COL23A1: variants seen among roughly 807,000 people sequenced by gnomAD.
COL23A1 encodes collagen type XXIII alpha 1 chain.
Under a neutral mutation model 99.3 loss-of-function variants are expected in COL23A1, and 97 were observed. The observed-to-expected ratio is 0.98, with a 90% confidence interval of 0.83 to 1.16. COL23A1 has a LOEUF of 1.16. Among genes scored for constraint, COL23A1 ranks in the 50% most tolerant of loss-of-function variants. The probability of loss-of-function intolerance (pLI) is 0.00; values close to 1 mark genes in which losing one functional copy is unlikely to be tolerated. For missense variants in COL23A1, 762 were observed against 757.4 expected (o/e 1.01, Z -0.07); for synonymous variants, 320 against 308.2 (o/e 1.04, Z -0.40).
At chr5:178,546,227 A>G (rs765116591) in intron 2 of COL23A1, among the ~76,000 whole-genome samples, 1 of 152,096 alleles carries the variant, frequency 6.6e-6, no homozygotes, top group African/African-American at 2.4e-5. Flanking sequence ...TATGTGTAAG[A>G]GGCCTCCTGT....
chr5:178,450,258 G>A (rs535144894), intron 2 of COL23A1, among the ~76,000 whole-genome samples: 36,555 of 151,922 alleles, frequency 0.24, 5,160 homozygotes, highest in Middle Eastern at 0.34. Context: ...CGCAAGGATC[G>A]TTTTCCCCTT....
chr5:178,449,544 C>T (rs13169031), intron 2 of COL23A1, among the ~76,000 whole-genome samples: 67,156 of 151,602 alleles, frequency 0.44, 17,182 homozygotes, highest in Non-Finnish European at 0.58. Flanking sequence ...AGCATTCCCC[C>T]CACCCCCCTA....
At chr5:178,359,710 A>G (rs554316387) in intron 2 of COL23A1, among the ~76,000 whole-genome samples, 11 of 152,376 alleles carry the variant, frequency 7.2e-5, no homozygotes, top group Admixed American at 3.3e-4. Context: ...TTCACTTAGT[A>G]AAGTCGCAGA....
intron 2 of COL23A1, among the ~76,000 whole-genome samples, chr5:178,343,828 A>G (rs1760810204): frequency 6.6e-6 from 1 of 151,876 alleles, no homozygotes; most frequent in Non-Finnish European, 1.5e-5. Flanking sequence ...ACGGCCCACT[A>G]ATTTTTATAT....
At chr5:178,413,242 G>C (rs1765139815) in intron 2 of COL23A1, among the ~76,000 whole-genome samples, 1 of 152,166 alleles carries the variant, frequency 6.6e-6, no homozygotes, top group Non-Finnish European at 1.5e-5. Context: ...TAGAACCATG[G>C]AGAAATTTGA....
intron 2 of COL23A1, among the ~76,000 whole-genome samples, chr5:178,441,589 T>G: frequency 6.6e-6 from 1 of 151,080 alleles, no homozygotes; most frequent in Non-Finnish European, 1.5e-5. Context: ...GGGGCTAGAG[T>G]TTCAAAGGGC....
chr5:178,467,898 T>C (rs932747315), intron 2 of COL23A1, among the ~76,000 whole-genome samples: 1 of 152,144 alleles, frequency 6.6e-6, no homozygotes, highest in African/African-American at 2.4e-5. Context: ...CTGCCTTCCA[T>C]GCTAGTGACA....
rs56007209 is a variant in COL23A1 at position 178,306,327 on chromosome 5, G to A, written c.406+548C>T. Among the ~76,000 whole-genome samples, 83,151 of 150,752 alleles carry A rather than the reference G, an allele frequency of 0.55. 23,843 individuals are homozygous for A. The highest frequency in any genetic ancestry group is 0.64 in the Non-Finnish European group (43,395 of 67,608). On this transcript the variant is annotated intron_variant, in intron 3 of 28. Coordinates refer to ENST00000390654, the MANE Select transcript of COL23A1 (RefSeq NM_173465.4). The surrounding 1 kb of genome is among the most constrained non-coding windows in gnomAD (Gnocchi z 4.1). ...TCAGAGGGGCTTAGGGAAGTCCCTG[G>A]GCGAAGGGGGCAATCTGCTGGGGAC...
rs71577021 is a variant in COL23A1, at chr5:178,517,873, CTTTTTTTTTTTTTT to C, written c.361+42795_361+42808del. 2.5e-4 allele frequency among the ~76,000 whole-genome samples: 24 copies of C among 97,710 alleles called. No homozygotes were observed. In the East Asian group the frequency reaches 3.7e-3, roughly 15 times the overall value. 64.1% of individuals were successfully genotyped at this position (97,710 alleles called of 152,430 possible). A position where few individuals can be genotyped will look rare whatever the true frequency, so the allele number is the denominator to read the frequency against. The stretch of plus-strand genomic sequence containing the variant: ...CCGTGCCTGGCCAGCAACAGCGGTT[CTTTTTTTTTTTTTT>C]TTTTTTTTTTTTTTTAATTTATTTT... On this transcript the variant is annotated intron_variant, in intron 2 of 28. Coordinates refer to ENST00000390654, the MANE Select transcript of COL23A1 (RefSeq NM_173465.4).
chr5:178,342,082 T>A (rs1760702774), intron 2 of COL23A1, among the ~76,000 whole-genome samples: 1 of 152,216 alleles, frequency 6.6e-6, no homozygotes, highest in African/African-American at 2.4e-5. Context: ...TGCTGTGTTA[T>A]CATCTCCTCA....
chr5:178,250,063 T>A lies in COL23A1; in HGVS notation c.1057A>T (p.Lys353Ter). 6.2e-7 allele frequency: 1 copy of A among 1,613,746 alleles called. No homozygotes were observed. The highest frequency in any genetic ancestry group is 8.5e-7 in the Non-Finnish European group (1 of 1,179,856). Residue 353 changes from lysine (K) to a stop codon, truncating the protein, a stop_gained and splice_region_variant, in exon 18 of 29, where the codon AAG becomes TAG. Coordinates refer to ENST00000390654, the MANE Select transcript of COL23A1 (RefSeq NM_173465.4). LOFTEE classifies it high-confidence loss of function. The stretch of plus-strand genomic sequence containing the variant: ...AAGGAAATGAAAGGCCCAGAGACCT[T>A]CTCTCCATCGATTCCTGGGGCACCG... ...LPGAPGIDGE[K>*]GPKGQKGDPG...
chr5:178,443,626 A>ATT lies in COL23A1; in HGVS notation c.361+117054_361+117055dup, dbSNP rs11441050. Among the ~76,000 whole-genome samples the ATT allele has an allele frequency of 2.1e-4, 30 of 145,246 alleles. No homozygotes were observed. The South Asian group carries it at 2.8e-3, about 14-fold the overall frequency. On this transcript the variant is annotated intron_variant, in intron 2 of 28. Transcript: ENST00000390654. ...CAGGCGCTCGCCACCATGCCCAGCTATTTTTTTTTTTCGTACAGACGGGGT... is the reference window on the plus strand; with the variant it reads ...CAGGCGCTCGCCACCATGCCCAGCTATTTTTTTTTTTTTCGTACAGACGGGGT...
At position 178,529,663 on chromosome 5, in the gene COL23A1, C is replaced by T. The variant is rs191174329; in HGVS notation, c.361+31019G>A. The stretch of plus-strand genomic sequence containing the variant: ...CTCTGTGCCAAGCCCAGAGTGGACA[C>T]GAGGGGCATAGACTGAAAGCAGGCA... On this transcript the variant is annotated intron_variant, in intron 2 of 28. Transcript: ENST00000390654. Among the ~76,000 whole-genome samples the T allele has an allele frequency of 8.5e-5, 13 of 152,270 alleles. No individual in the cohort carries two copies. In the East Asian group the frequency reaches 2.5e-3, roughly 29 times the overall value.
intron 5 of COL23A1, among the ~76,000 whole-genome samples, chr5:178,275,667 T>C (rs990276808): frequency 6.6e-6 from 1 of 152,092 alleles, no homozygotes; most frequent in African/African-American, 2.4e-5. Context: ...TGGTTCCCCT[T>C]AACTGCTCCG....
chr5:178,291,639 G>C (rs1360294536), intron 3 of COL23A1, among the ~76,000 whole-genome samples: 2 of 152,136 alleles, frequency 1.3e-5, no homozygotes, highest in African/African-American at 4.8e-5. Flanking sequence ...GGTTCTAAGG[G>C]TGAAGGGGAG....
At chr5:178,303,490 GAGA>G (rs1758180927) in intron 3 of COL23A1, among the ~76,000 whole-genome samples, 1 of 152,176 alleles carries the variant, frequency 6.6e-6, no homozygotes, top group South Asian at 2.1e-4. Context: ...CTCCTTTATG[GAGA>G]AGATCTTTAG....
intron 2 of COL23A1, among the ~76,000 whole-genome samples, chr5:178,527,600 C>G (rs1037918442): frequency 6.6e-6 from 1 of 152,226 alleles, no homozygotes; most frequent in Non-Finnish European, 1.5e-5. Flanking sequence ...CGGTTACCAA[C>G]GAGGGGCCAG....
intron 4 of COL23A1, 34 bp downstream of exon 4, chr5:178,290,328 T>A: frequency 6.2e-7 from 1 of 1,613,862 alleles, no homozygotes; most frequent in Non-Finnish European, 8.5e-7. Flanking sequence ...CATCTTATCT[T>A]TCAGAAGCAG....
At chr5:178,246,721 C>T (rs564839511) in intron 22 of COL23A1, among the ~76,000 whole-genome samples, 12 of 8,236 alleles carry the variant, frequency 1.5e-3, no homozygotes, top group South Asian at 0.012. Context: ...CAGGTGCAGA[C>T]GGGGGGCGGG....
Sources: gnomAD v4.1 joint callset for allele counts (sites outside exome capture counted in the v4.1 genomes callset) on GRCh38, gnomAD v4.1.1 for gene constraint, Gnocchi (gnomAD v3.1) non-coding constraint, MANE v1.5 for transcripts, NCBI Gene and HGNC (gene_info 2026-07-23, HGNC 2026-07-21) for gene names.